The following FANCD2OS variants were observed in gnomAD, a reference collection of about 807,000 sequenced individuals.
The protein encoded by FANCD2OS is FANCD2 opposite strand protein.
FANCD2OS carries 11 observed loss-of-function variants against 13.2 expected under a neutral mutation model. The ratio of observed to expected loss-of-function variants is 0.83; its 90% CI spans 0.52 to 1.38. The LOEUF (loss-of-function observed/expected upper bound fraction) is 1.38, where lower values mean the gene tolerates loss of function less well. Among genes scored for constraint, FANCD2OS ranks in the 40% most tolerant of loss-of-function variants. FANCD2OS has a pLI of 0.00. For missense variants in FANCD2OS, 217 were observed against 213.9 expected (o/e 1.01, Z -0.09); for synonymous variants, 69 against 84.5 (o/e 0.82, Z 1.01).
At chr3:10,095,992 T>G (rs1694935834) in intron 2 of FANCD2OS, among the ~76,000 whole-genome samples, 1 of 152,088 alleles carries the variant, frequency 6.6e-6, no homozygotes, top group African/African-American at 2.4e-5. Context: ...CAGTGAATGT[T>G]TAAGGAATTC....
intron 2 of FANCD2OS, chr3:10,095,484 T>C: frequency 1.7e-6 from 1 of 598,362 alleles, no homozygotes; most frequent in East Asian, 2.8e-5. Flanking sequence ...TGATTCAAAC[T>C]CCAAAGCTCT....
At chr3:10,094,283 C>A in intron 2 of FANCD2OS, 1 of 1,613,390 alleles carries the variant, frequency 6.2e-7, no homozygotes, top group Middle Eastern at 1.7e-4. Context: ...TGTCTCTCTT[C>A]TTCAGTATGG....
chr3:10,105,587 TA>T (rs1221315198), intron 1 of FANCD2OS, among the ~76,000 whole-genome samples: 1 of 150,836 alleles, frequency 6.6e-6, no homozygotes, highest in Non-Finnish European at 1.5e-5. Flanking sequence ...CTGTCTCTAC[TA>T]AAAATACAAA....
downstream of FANCD2OS, chr3:10,102,010 G>A (rs116207455): frequency 0.012 from 2,013 of 174,284 alleles, 29 homozygotes; most frequent in Non-Finnish European, 0.017. Flanking sequence ...GATTTGTGCA[G>A]AGAAATTATG....
At chr3:10,096,999 G>A (rs557900765) in intron 2 of FANCD2OS, among the ~76,000 whole-genome samples, 10 of 152,222 alleles carry the variant, frequency 6.6e-5, no homozygotes, top group Middle Eastern at 3.4e-3. Flanking sequence ...AAAGCTGGGC[G>A]TCCGGGGGAG....
Position 10,104,678 on chromosome 3 carries a change from A to G in FANCD2OS, c.97T>C (p.Phe33Leu). The change falls in exon 2 of 2, where the codon TTC becomes CTC. Residue 33 changes from phenylalanine (F) to leucine (L), a missense_variant. Coordinates refer to ENST00000450660, the MANE Select transcript of FANCD2OS (RefSeq NM_001164839.2). ...TTPTPSSKHPFKASPCFPHTP... is the reference protein window; with the variant it reads ...TTPTPSSKHPLKASPCFPHTP... ...TGTGGGAAGCAGGGGGAGGCCTTGA[A>G]TGGGTGCTTGGAGGAAGGTGTAGGT... 6.2e-7 allele frequency: 1 copy of G among 1,614,090 alleles called. No individual in the cohort carries two copies. Among genetic ancestry groups the G allele is most frequent in the African/African-American group, 1.3e-5 (1 of 75,046 alleles).
chr3:10,089,065 C>T, intron 2 of FANCD2OS: 1 of 1,198,698 alleles, frequency 8.3e-7, no homozygotes, highest in Admixed American at 1.8e-5. Context: ...GGAGGATCAC[C>T]TTGAGGTCAG....
intron 2 of FANCD2OS, chr3:10,087,347 G>T: frequency 7.3e-7 from 1 of 1,363,626 alleles, no homozygotes. Context: ...GGGCTTCCCA[G>T]GACATTTTTA....
chr3:10,101,065 TA>T (rs78434344), downstream of FANCD2OS: 198,015 of 579,532 alleles, frequency 0.34, 5,156 homozygotes, highest in African/African-American at 0.4. Context: ...AAGACTCCTT[TA>T]AAAAAAAAAA....
chr3:10,103,768 G>T (rs1283094024), downstream of FANCD2OS, among the ~76,000 whole-genome samples: 1 of 152,098 alleles, frequency 6.6e-6, no homozygotes, highest in African/African-American at 2.4e-5. Flanking sequence ...ATTAGGGTGT[G>T]GTTGGTTAGG....
At chr3:10,090,443 A>ATTTTTTT (rs773716319) in intron 2 of FANCD2OS, 29 of 342,286 alleles carry the variant, frequency 8.5e-5, no homozygotes, top group African/African-American at 3.1e-4. Context: ...GAAGTTGCTG[A>ATTTTTTT]TTTTTTTTTT....
downstream of FANCD2OS, among the ~76,000 whole-genome samples, chr3:10,100,717 C>T (rs1271897437): frequency 6.6e-6 from 1 of 152,138 alleles, no homozygotes; most frequent in Non-Finnish European, 1.5e-5. Context: ...ATCGAATGCC[C>T]TCTTTGTTCC....
At chr3:10,107,631 T>A (rs1695538220) in intron 1 of FANCD2OS, among the ~76,000 whole-genome samples, 1 of 151,082 alleles carries the variant, frequency 6.6e-6, no homozygotes, top group Admixed American at 6.6e-5. Flanking sequence ...GAAGTAGAGG[T>A]AGAAGTAAAA....
chr3:10,088,415 A>T (rs779632231), intron 2 of FANCD2OS: 16 of 1,259,778 alleles, frequency 1.3e-5, no homozygotes, highest in Non-Finnish European at 1.9e-5. Flanking sequence ...TCAAGTTCCC[A>T]TATGTAAGAT....
rs190885387 is a variant in FANCD2OS, at chr3:10,089,733, G to A, written c.*44-8202C>T. Among the ~76,000 whole-genome samples, 533 of 152,318 alleles carry A rather than the reference G, an allele frequency of 3.5e-3. 4 individuals carry two copies. Among genetic ancestry groups the A allele is most frequent in the Middle Eastern group, 0.01 (3 of 294 alleles). On this transcript the variant is annotated intron_variant, in intron 2 of 2. Coordinates refer to the FANCD2OS transcript ENST00000524279. ...TCTGCCTGCCTCGGCCTCTCAAAGT[G>A]CTGGGATTACAGGCATGAGCCATTG...
At chr3:10,105,795 T>TATATA (rs1695478620) in intron 1 of FANCD2OS, among the ~76,000 whole-genome samples, 1 of 71,286 alleles carries the variant, frequency 1.4e-5, no homozygotes, top group Non-Finnish European at 2.4e-5. Context: ...TATATATATA[T>TATATA]ATATATATAT....
chr3:10,103,445 C>T (rs547622095), downstream of FANCD2OS, among the ~76,000 whole-genome samples: 2 of 152,126 alleles, frequency 1.3e-5, no homozygotes, highest in Non-Finnish European at 2.9e-5. Context: ...TATGGTGGCC[C>T]GCACCTGTAG....
intron 2 of FANCD2OS, among the ~76,000 whole-genome samples, chr3:10,092,940 C>T (rs1694741645): frequency 6.6e-6 from 1 of 152,036 alleles, no homozygotes. Flanking sequence ...GATCCACCAG[C>T]CTCAGCCTCC....
At chr3:10,085,668 G>A (rs1694149433) in intron 2 of FANCD2OS, 1 of 689,620 alleles carries the variant, frequency 1.5e-6, no homozygotes, top group African/African-American at 1.8e-5. Context: ...GGGATTACAG[G>A]TGTGAGCCAC....
Sources: allele counts gnomAD v4.1 joint callset (sites outside exome capture counted in the v4.1 genomes callset), GRCh38; gene constraint gnomAD v4.1.1; transcripts MANE v1.5; gene names NCBI Gene and HGNC (gene_info 2026-07-23, HGNC 2026-07-21).